The following NFATC4 variants were observed in gnomAD, a reference collection of about 807,000 sequenced individuals.
NFATC4 encodes nuclear factor of activated T-cells, cytoplasmic 4.
NFATC4 carries 25 observed loss-of-function variants against 73.4 expected under a neutral mutation model. The observed-to-expected ratio is 0.34, with a 90% CI of 0.25 to 0.48. NFATC4 has a LOEUF of 0.48. Ranked by LOEUF, NFATC4 falls within the 20% of genes least tolerant of loss-of-function variation. The pLI is 0.99. For missense variants in NFATC4, 1,130 were observed against 1,203.7 expected, an observed-to-expected ratio of 0.94 and a Z score of 0.91; for synonymous variants, 523 against 510.3, an observed-to-expected ratio of 1.02 and a Z score of -0.34.
chr14:24,374,565 A>G (rs2042562893), intron 6 of NFATC4, 99 bp downstream of exon 6: 10 of 1,234,138 alleles, frequency 8.1e-6, no homozygotes, highest in Non-Finnish European at 9.0e-6. Context: ...GTGGAGCCTC[A>G]GTTTTTTTAT....
Position 24,379,119 on chromosome 14 carries a change from G to C in NFATC4, c.*1414G>C, listed in dbSNP as rs1464637286. On this transcript the variant is annotated 3_prime_UTR_variant, in exon 10 of 10. Coordinates refer to ENST00000250373, the MANE Select transcript of NFATC4 (RefSeq NM_004554.5). ...GCAAGTACTCAGGAGAGCAGGGGTGGGTGTGACAGAGGCTGGCTCTGGATT... is the reference window on the plus strand; with the variant it reads ...GCAAGTACTCAGGAGAGCAGGGGTGCGTGTGACAGAGGCTGGCTCTGGATT... 1 of 152,312 alleles carries C rather than the reference G, an allele frequency of 6.6e-6. No homozygotes were observed. Among genetic ancestry groups the C allele is most frequent in the Non-Finnish European group, 1.5e-5 (1 of 68,152 alleles). The allele number at this position is 152,312 out of a possible 1,614,324, so 9.4% of individuals were successfully genotyped here. A position where few individuals can be genotyped will look rare whatever the true frequency, so the allele number is the denominator to read the frequency against.
At chr14:24,371,065 CT>C (rs1179501683) in intron 2 of NFATC4, among the ~76,000 whole-genome samples, 1 of 152,182 alleles carries the variant, frequency 6.6e-6, no homozygotes, top group African/African-American at 2.4e-5. Flanking sequence ...AGAGCCTGAC[CT>C]ACTAGCTTAA....
intron 3 of NFATC4, 102 bp downstream of exon 3, chr14:24,372,705 C>G: frequency 6.8e-7 from 1 of 1,472,508 alleles, no homozygotes; most frequent in Non-Finnish European, 9.3e-7. Flanking sequence ...CCTCTCAGCT[C>G]TGACCCTGCA....
Position 24,377,194 on chromosome 14 carries a change from G to A in NFATC4, c.2641+316G>A. ...CCAGCGCATTCAATTTGCAAGTTTA[G>A]GCGTTGAGTTCCAGAGAGGGATGGT... On this transcript the variant is annotated intron_variant, in intron 9 of 9. Coordinates refer to ENST00000250373, the MANE Select transcript of NFATC4 (RefSeq NM_004554.5). The surrounding 1 kb of genome is among the most constrained non-coding windows in gnomAD (Gnocchi z 4.2). The A allele has an allele frequency of 7.9e-7, 1 of 1,271,888 alleles. No individual in the cohort carries two copies. Among genetic ancestry groups the A allele is most frequent in the Non-Finnish European group, 9.9e-7 (1 of 1,011,574 alleles). 78.8% of individuals were successfully genotyped at this position (1,271,888 alleles called of 1,614,324 possible). A position where few individuals can be genotyped will look rare whatever the true frequency, so the allele number is the denominator to read the frequency against.
upstream of NFATC4, chr14:24,367,200 C>T: frequency 6.2e-7 from 1 of 1,613,986 alleles, no homozygotes; most frequent in East Asian, 2.2e-5. Flanking sequence ...GGTCTTCCTT[C>T]CTCCTCCAGC....
intron 2 of NFATC4, among the ~76,000 whole-genome samples, chr14:24,370,897 T>A (rs1023964890): frequency 6.6e-6 from 1 of 152,126 alleles, no homozygotes; most frequent in African/African-American, 2.4e-5. Context: ...CTGTAGCCTA[T>A]AGAGTGCTCC....
intron 2 of NFATC4, among the ~76,000 whole-genome samples, chr14:24,371,436 T>C (rs919615521): frequency 3.9e-5 from 6 of 152,238 alleles, no homozygotes; most frequent in Admixed American, 2.6e-4. Flanking sequence ...CCCACTCCCC[T>C]AGTTGGGAAA....
At chr14:24,367,779 C>G, upstream of NFATC4, 1 of 1,343,592 alleles carries the variant, frequency 7.4e-7, no homozygotes, top group Admixed American at 2.8e-5. Context: ...TTGCTAGGTG[C>G]TATCTACACA....
At position 24,373,931 on chromosome 14, in the gene NFATC4, T is replaced by G; in HGVS notation, c.1732+64T>G. 6.3e-7 allele frequency: 1 copy of G among 1,597,940 alleles called. No homozygotes were observed. Among genetic ancestry groups the G allele is most frequent in the Admixed American group, 1.7e-5 (1 of 57,908 alleles). On this transcript the variant is annotated intron_variant, in intron 5 of 9. Coordinates refer to ENST00000250373, the MANE Select transcript of NFATC4 (RefSeq NM_004554.5). This position sits in a 1 kb window ranked among gnomAD's most constrained non-coding sequence, Gnocchi z 4.7. ...CAACTCTTTTGTCTGTGTGTGTGTG[T>G]CTGTCTGCCCATTCCCTCTGCAGCG...
chr14:24,367,755 G>C, upstream of NFATC4: 1 of 1,423,280 alleles, frequency 7.0e-7, no homozygotes, highest in South Asian at 1.4e-5. Context: ...AAGGGGAGGA[G>C]AAGTGGTTCT....
Position 24,376,769 on chromosome 14 carries a change from G to T in NFATC4, c.2532G>T (p.Gly844=). Residue 844 remains glycine, a synonymous_variant, in exon 9 of 10, where the codon GGG becomes GGT. Coordinates refer to ENST00000250373, the MANE Select transcript of NFATC4 (RefSeq NM_004554.5). This position sits in a 1 kb window ranked among gnomAD's most constrained non-coding sequence, Gnocchi z 5.0. ...PLPAEGYNKV[G]PGYGPGEGAP... ...CTGCTGAGGGATACAATAAGGTAGG[G>T]CCAGGCTATGGCCCTGGGGAGGGGG... The T allele has an allele frequency of 6.2e-7, 1 of 1,613,922 alleles. No individual in the cohort carries two copies. The highest frequency in any genetic ancestry group is 8.5e-7 in the Non-Finnish European group (1 of 1,179,946).
At chr14:24,367,668 A>C, upstream of NFATC4, 1 of 1,535,622 alleles carries the variant, frequency 6.5e-7, no homozygotes, top group Non-Finnish European at 8.7e-7. Flanking sequence ...GGGAGGCGGA[A>C]GAATAGCCTT....
chr14:24,376,446 C>T lies in NFATC4; in HGVS notation c.2209C>T (p.Leu737=). 2 of 1,613,854 alleles carry T rather than the reference C, an allele frequency of 1.2e-6. No homozygotes were observed. The highest frequency in any genetic ancestry group is 4.5e-5 in the East Asian group (2 of 44,872). The stretch of plus-strand genomic sequence containing the variant: ...AGACCCTGCTTGCGAAACTCCTTAC[C>T]TATCAGAAGGCTTCGGCTATGGCAT... ...HEDPACETPY[L]SEGFGYGMPP... is the part of the protein sequence containing the mutation. The change falls in exon 9 of 10, where the codon CTA becomes TTA. Residue 737 remains leucine, a synonymous_variant. Coordinates refer to ENST00000250373, the MANE Select transcript of NFATC4 (RefSeq NM_004554.5). The surrounding 1 kb of genome is among the most constrained non-coding windows in gnomAD (Gnocchi z 5.0).
Position 24,376,657 on chromosome 14 carries a change from C to A in NFATC4, c.2420C>A (p.Pro807Gln). ...TTCTCCCTGGGGCTGCCATTCTCTC[C>A]GCCAGCCCCCTTTCGGCCGCCTCCT... ...SSFSLGLPFSPPAPFRPPPLP... is the reference protein window; with the variant it reads ...SSFSLGLPFSQPAPFRPPPLP... Residue 807 changes from proline (P) to glutamine (Q), a missense_variant, in exon 9 of 10, where the codon CCG becomes CAG. Pro to Gln is a moderately conservative substitution (Grantham distance 76, BLOSUM62 -1). This residue lies in a region of NFATC4 where 390 missense variants were observed against 408.1 expected (regional missense o/e 0.96). Coordinates refer to ENST00000250373, the MANE Select transcript of NFATC4 (RefSeq NM_004554.5). The surrounding 1 kb of genome is among the most constrained non-coding windows in gnomAD (Gnocchi z 5.0). 2 of 1,613,410 alleles carry A rather than the reference C, an allele frequency of 1.2e-6. No individual in the cohort carries two copies. The highest frequency in any genetic ancestry group is 1.1e-5 in the South Asian group (1 of 91,042).
chr14:24,373,549 C>A lies in NFATC4; in HGVS notation c.1560-146C>A. The stretch of plus-strand genomic sequence containing the variant: ...TGGGGTTGGGGGTACCCCAGAGAGG[C>A]CATCTCTGGGTTAGAAAATAGCCTC... On this transcript the variant is annotated intron_variant, in intron 4 of 9. Coordinates refer to ENST00000250373, the MANE Select transcript of NFATC4 (RefSeq NM_004554.5). The surrounding 1 kb of genome is among the most constrained non-coding windows in gnomAD (Gnocchi z 4.7). 1 of 1,369,158 alleles carries A rather than the reference C, an allele frequency of 7.3e-7. No individual in the cohort carries two copies. The highest frequency in any genetic ancestry group is 1.0e-6 in the Non-Finnish European group (1 of 1,000,680). 84.8% of individuals were successfully genotyped at this position (1,369,158 alleles called of 1,614,324 possible). A position where few individuals can be genotyped will look rare whatever the true frequency, so the allele number is the denominator to read the frequency against.
Position 24,373,130 on chromosome 14 carries a change from G to C in NFATC4, c.1360-41G>C, listed in dbSNP as rs2042518129. On this transcript the variant is annotated intron_variant, in intron 3 of 9. Coordinates refer to ENST00000250373, the MANE Select transcript of NFATC4 (RefSeq NM_004554.5). The surrounding 1 kb of genome is among the most constrained non-coding windows in gnomAD (Gnocchi z 4.7). ...CTAGGGATGAATAAAGGATGAGACG[G>C]TGGGGATTTCAATGAGGTGGCCGCT... 1 of 1,587,132 alleles carries C rather than the reference G, an allele frequency of 6.3e-7. No individual in the cohort carries two copies. Among genetic ancestry groups the C allele is most frequent in the Non-Finnish European group, 8.6e-7 (1 of 1,156,728 alleles).
chr14:24,370,208 C>A lies in NFATC4; in HGVS notation c.810C>A (p.Arg270=). 6.2e-7 allele frequency: 1 copy of A among 1,609,620 alleles called. No individual in the cohort carries two copies. Among genetic ancestry groups the A allele is most frequent in the Middle Eastern group, 1.7e-4 (1 of 6,060 alleles). Residue 270 remains arginine (R), a synonymous_variant, in exon 2 of 10, where the codon CGC becomes CGA. Transcript: ENST00000250373. ...PRPASPCGKR[R]YSSSGTPSSA... is the part of the protein sequence containing the mutation. Reference sequence around the variant, plus strand: ...CTGCCTCTCCATGTGGCAAGCGGCGCTATTCCAGCTCGGGAACCCCATCTT... The same window carrying A: ...CTGCCTCTCCATGTGGCAAGCGGCGATATTCCAGCTCGGGAACCCCATCTT...
intron 2 of NFATC4, chr14:24,372,222 C>T (rs2042491009): frequency 1.8e-6 from 1 of 551,770 alleles, no homozygotes; most frequent in Non-Finnish European, 3.2e-6. Context: ...CCCTACTTCC[C>T]CTTGCTTCTG....
Position 24,373,147 on chromosome 14 carries a change from G to T in NFATC4, c.1360-24G>T, listed in dbSNP as rs2042518974. On this transcript the variant is annotated intron_variant, in intron 3 of 9. Transcript: ENST00000250373. The surrounding 1 kb of genome is among the most constrained non-coding windows in gnomAD (Gnocchi z 4.7). The stretch of plus-strand genomic sequence containing the variant: ...ATGAGACGGTGGGGATTTCAATGAG[G>T]TGGCCGCTCTCTCCCTCTGCCAGCT... 6.2e-7 allele frequency: 1 copy of T among 1,610,024 alleles called. No individual in the cohort carries two copies. The highest frequency in any genetic ancestry group is 1.3e-5 in the African/African-American group (1 of 74,842).
Sources: allele counts gnomAD v4.1 joint callset (sites outside exome capture counted in the v4.1 genomes callset), GRCh38; gene constraint gnomAD v4.1.1; regional missense constraint gnomAD v4.1.1; non-coding constraint Gnocchi (gnomAD v3.1); transcripts MANE v1.5; gene names NCBI Gene and HGNC (gene_info 2026-07-23, HGNC 2026-07-21).